Variants in MARK2 observed in about 807,000 individuals in gnomAD.
The protein encoded by MARK2 is microtubule affinity regulating kinase 2, also known as serine/threonine-protein kinase MARK2.
A neutral mutation model predicts 89.8 loss-of-function variants in MARK2; 16 were observed. The observed-to-expected ratio is 0.18, with a 90% CI of 0.12 to 0.27. The LOEUF is 0.27. MARK2 is among the 10% of genes least tolerant of loss of function. The pLI is 1.00. For synonymous variants in MARK2, 382 were observed against 399.5 expected (o/e 0.96, Z 0.52); for missense variants, 621 against 1,049.9 (o/e 0.59, Z 5.65).
chr11:63,855,449 A>AAG (rs59972013), intron 1 of MARK2, among the ~76,000 whole-genome samples: 95,828 of 151,406 alleles, frequency 0.63, 30,751 homozygotes, highest in East Asian at 0.94. Flanking sequence ...TCTTGAGCCC[A>AAG]AGGTCAAGGC....
At position 63,839,248 on chromosome 11, in the gene MARK2, G is replaced by GCGGCCCGGCCGAAAGGCGGCA. The variant is rs1359013352; in HGVS notation, c.-257_-237dup. The GCGGCCCGGCCGAAAGGCGGCA allele has an allele frequency of 2.8e-5, 7 of 249,562 alleles. No homozygotes were observed. The highest frequency in any genetic ancestry group is 1.6e-4 in the African/African-American group (7 of 43,886). The allele number at this position is 249,562 out of a possible 1,614,324, so 15.5% of individuals were successfully genotyped here. On this transcript the variant is annotated 5_prime_UTR_variant, in exon 1 of 19. Coordinates refer to ENST00000402010, the MANE Select transcript of MARK2 (RefSeq NM_001039469.3). ...GGCGGCAGAGAGTAGGCGGAGCGGCGCGGCCCGGCCGAAAGGCGGCACAGC... is the reference window on the plus strand; with the variant it reads ...GGCGGCAGAGAGTAGGCGGAGCGGCGCGGCCCGGCCGAAAGGCGGCACGGCCCGGCCGAAAGGCGGCACAGC...
intron 1 of MARK2, among the ~76,000 whole-genome samples, chr11:63,871,108 G>A (rs1730289284): frequency 6.6e-6 from 1 of 152,160 alleles, no homozygotes; most frequent in African/African-American, 2.4e-5. Context: ...TTGTGTGTGT[G>A]TATATGCATA....
chr11:63,843,084 C>G (rs753079341), intron 1 of MARK2, among the ~76,000 whole-genome samples: 4 of 151,966 alleles, frequency 2.6e-5, no homozygotes, highest in Admixed American at 6.6e-5. Context: ...TTTTTCACAG[C>G]CATAGACTTC....
chr11:63,887,496 TTTC>T (rs1250207383), intron 1 of MARK2, among the ~76,000 whole-genome samples: 4 of 152,300 alleles, frequency 2.6e-5, no homozygotes, highest in Admixed American at 2.6e-4. Flanking sequence ...AAGGCAAACA[TTTC>T]TTGGCCACTC....
At chr11:63,846,364 T>G (rs1041439968) in intron 1 of MARK2, among the ~76,000 whole-genome samples, 12 of 149,832 alleles carry the variant, frequency 8.0e-5, no homozygotes, top group Non-Finnish European at 1.5e-4. Context: ...AAAAAAAAAA[T>G]TTTTTTTTTG....
rs1398191165 is a variant in MARK2, at chr11:63,881,508, T to A, written c.55-13651T>A. ...GTGGGCAACTTTAAAGATCAAAAAG[T>A]TGTGCCTCTCTTGTTCCCTAAGTAT... On this transcript the variant is annotated intron_variant, in intron 1 of 18. Coordinates refer to ENST00000402010, the MANE Select transcript of MARK2 (RefSeq NM_001039469.3). Among the ~76,000 whole-genome samples the A allele has an allele frequency of 2.6e-5, 4 of 152,300 alleles. No homozygotes were observed. The East Asian group carries it at 7.7e-4, about 29-fold the overall frequency.
In MARK2 at chr11:63,877,250, A is replaced by G. The variant is rs189551379; in HGVS notation, c.55-17909A>G. Among the ~76,000 whole-genome samples, 69 of 151,606 alleles carry G rather than the reference A, an allele frequency of 4.6e-4. No individual in the cohort carries two copies. The East Asian group carries it at 0.013, about 29-fold the overall frequency. On this transcript the variant is annotated intron_variant, in intron 1 of 18. Transcript: ENST00000402010. ...CTGGGCCTCCTGAGTACCTGGGACT[A>G]CAGGTGCCCACCACCACGCCTGGCT...
intron 1 of MARK2, among the ~76,000 whole-genome samples, chr11:63,890,741 CA>C (rs1234939322): frequency 6.6e-6 from 1 of 152,226 alleles, no homozygotes; most frequent in African/African-American, 2.4e-5. Flanking sequence ...GATTGGCAGA[CA>C]GTAGTATTTG....
At position 63,903,876 on chromosome 11, in the gene MARK2, C is replaced by G; in HGVS notation, c.1515-110C>G. ...GCTGCTGCCCAGGCCTGACTTCTAC[C>G]CTGCCAGAGCTCCCCAGCTCTGGCC... On this transcript the variant is annotated intron_variant, in intron 14 of 18. Coordinates refer to ENST00000402010, the MANE Select transcript of MARK2 (RefSeq NM_001039469.3). The surrounding 1 kb of genome is among the most constrained non-coding windows in gnomAD (Gnocchi z 5.1). The G allele has an allele frequency of 1.1e-6, 1 of 872,648 alleles. No homozygotes were observed. The highest frequency in any genetic ancestry group is 2.8e-5 in the Admixed American group (1 of 35,910). 54.1% of individuals were successfully genotyped at this position (872,648 alleles called of 1,614,324 possible).
At chr11:63,880,101 A>G (rs1026099032) in intron 1 of MARK2, 1 of 151,698 alleles carries the variant, frequency 6.6e-6, no homozygotes, top group Non-Finnish European at 1.5e-5. Flanking sequence ...CCAGGTAGAA[A>G]GACTGTTGCA....
In MARK2 at chr11:63,903,147, T is replaced by C. The variant is rs1362309319; in HGVS notation, c.1503T>C (p.Asn501=). 3 of 1,613,376 alleles carry C rather than the reference T, an allele frequency of 1.9e-6. No homozygotes were observed. Among genetic ancestry groups the C allele is most frequent in the Non-Finnish European group, 2.5e-6 (3 of 1,179,800 alleles). ...RASLGQASIQ[N]GKDSLTMPGS... ...GCCTCGGCCAGGCCTCCATCCAGAATGGCAAAGACAGGTGAGAGACCCGGG... is the reference window on the plus strand; with the variant it reads ...GCCTCGGCCAGGCCTCCATCCAGAACGGCAAAGACAGGTGAGAGACCCGGG... Residue 501 remains asparagine (N), a synonymous_variant, in exon 14 of 19, where the codon AAT becomes AAC. Transcript: ENST00000402010. This position sits in a 1 kb window ranked among gnomAD's most constrained non-coding sequence, Gnocchi z 5.1.
intron 1 of MARK2, among the ~76,000 whole-genome samples, chr11:63,880,791 C>G (rs1403064828): frequency 6.6e-6 from 1 of 152,202 alleles, no homozygotes; most frequent in Non-Finnish European, 1.5e-5. Flanking sequence ...CCTTGGTGAT[C>G]ACTCACTTTT....
chr11:63,839,663 C>G (rs1211783373), intron 1 of MARK2, 103 bp downstream of exon 1: 4 of 757,664 alleles, frequency 5.3e-6, no homozygotes, highest in Non-Finnish European at 8.7e-6. Context: ...TGCCATCCTG[C>G]AAGCCTCGGC....
rs573663796 is a variant in MARK2, at chr11:63,893,646, T to C, written c.55-1513T>C. On this transcript the variant is annotated intron_variant, in intron 1 of 18. Coordinates refer to ENST00000402010, the MANE Select transcript of MARK2 (RefSeq NM_001039469.3). Reference sequence around the variant, plus strand: ...CGTCTTCACATAGATGTATGTTTTTTGTCTAGACCATACCCTTTTTGTACA... The same window carrying C: ...CGTCTTCACATAGATGTATGTTTTTCGTCTAGACCATACCCTTTTTGTACA... Among the ~76,000 whole-genome samples, 16 of 152,270 alleles carry C rather than the reference T, an allele frequency of 1.1e-4. No homozygotes were observed. The South Asian group carries it at 3.3e-3, about 32-fold the overall frequency.
At chr11:63,869,935 C>T (rs891604409) in intron 1 of MARK2, among the ~76,000 whole-genome samples, 6 of 152,234 alleles carry the variant, frequency 3.9e-5, no homozygotes, top group African/African-American at 1.4e-4. Context: ...CAGGGCTCGT[C>T]TCCGGTGCCT....
chr11:63,849,005 C>A (rs1477071336), intron 1 of MARK2, among the ~76,000 whole-genome samples: 1 of 151,964 alleles, frequency 6.6e-6, no homozygotes, highest in Non-Finnish European at 1.5e-5. Flanking sequence ...CCGCGCCTGA[C>A]CTTGTTGGTG....
intron 1 of MARK2, among the ~76,000 whole-genome samples, chr11:63,843,922 C>T (rs1181352217): frequency 1.3e-5 from 2 of 152,072 alleles, no homozygotes; most frequent in African/African-American, 4.8e-5. Context: ...ATTGGATCGG[C>T]TAGCTAGCAT....
chr11:63,862,813 C>T (rs1448732812), intron 1 of MARK2, among the ~76,000 whole-genome samples: 1 of 151,910 alleles, frequency 6.6e-6, no homozygotes, highest in Admixed American at 6.6e-5. Context: ...TTTGTGGCAC[C>T]CATGAAATGT....
intron 1 of MARK2, among the ~76,000 whole-genome samples, chr11:63,848,727 C>CT (rs911187527): frequency 5.2e-4 from 76 of 144,844 alleles, no homozygotes; most frequent in Middle Eastern, 3.6e-3. Context: ...ATTTTTTGTA[C>CT]TTTTTTTTTT....
Sources: gnomAD v4.1 joint callset for allele counts (sites outside exome capture counted in the v4.1 genomes callset) on GRCh38, gnomAD v4.1.1 for gene constraint, Gnocchi (gnomAD v3.1) non-coding constraint, MANE v1.5 for transcripts, NCBI Gene and HGNC (gene_info 2026-07-23, HGNC 2026-07-21) for gene names.